The following NVL variants were observed in gnomAD, a reference collection of about 807,000 sequenced individuals.
NVL encodes the protein nuclear VCP like, also known as nuclear valosin-containing protein-like.
Under a neutral mutation model 110.2 loss-of-function variants are expected in NVL, and 84 were observed. The ratio of observed to expected loss-of-function variants is 0.76; its 90% CI spans 0.64 to 0.91. The LOEUF (loss-of-function observed/expected upper bound fraction) is 0.91. Ranked by LOEUF, NVL falls within the 40% of genes least tolerant of loss-of-function variation. The probability of loss-of-function intolerance (pLI) is 0.00; values close to 1 mark genes in which losing one functional copy is unlikely to be tolerated. For synonymous variants in NVL, 354 were observed against 361.1 expected (o/e 0.98, Z 0.22); for missense variants, 882 against 1,035.9 (o/e 0.85, Z 2.04).
intron 16 of NVL, among the ~76,000 whole-genome samples, chr1:224,279,407 C>CTCTCTCTCAAAAAACAAAA (rs1666095963): frequency 6.6e-6 from 1 of 152,054 alleles, no homozygotes. Context: ...ACCTCTACTT[C>CTCTCTCTCAAAAAACAAAA]CAGAGACCCT....
chr1:224,304,924 G>T, intron 7 of NVL, 110 bp downstream of exon 7: 1 of 1,494,904 alleles, frequency 6.7e-7, no homozygotes, highest in Non-Finnish European at 9.2e-7. Flanking sequence ...AATATTTCCT[G>T]GTAAACATTT....
intron 20 of NVL, among the ~76,000 whole-genome samples, chr1:224,235,765 C>T (rs1660394076): frequency 6.6e-6 from 1 of 151,738 alleles, no homozygotes; most frequent in Admixed American, 6.6e-5. Flanking sequence ...CCTAAAACTA[C>T]AAAAATTTTT....
intron 18 of NVL, among the ~76,000 whole-genome samples, chr1:224,251,126 T>C (rs1212522905): frequency 6.6e-6 from 1 of 150,518 alleles, no homozygotes. Context: ...ATACAAAAAT[T>C]AGCCAGGTGT....
rs555541762 is a variant in NVL at position 224,259,800 on chromosome 1, G to A, written c.2182+8234C>T. The stretch of plus-strand genomic sequence containing the variant: ...CTCCCAAGTAGCTGGGATTACAGGT[G>A]TGTGCCACCATACCCAGCTAACTTT... On this transcript the variant is annotated intron_variant, in intron 18 of 22. Transcript: ENST00000281701. Among the ~76,000 whole-genome samples, 11 of 151,188 alleles carry A rather than the reference G, an allele frequency of 7.3e-5. No homozygotes were observed. The East Asian group carries it at 1.6e-3, about 21-fold the overall frequency.
Position 224,303,707 on chromosome 1 carries a change from T to G in NVL, c.960+16A>C. 2.5e-6 allele frequency: 4 copies of G among 1,593,682 alleles called. No individual in the cohort carries two copies. The highest frequency in any genetic ancestry group is 3.4e-6 in the Non-Finnish European group (4 of 1,170,668). On this transcript the variant is annotated intron_variant, in intron 9 of 22. Transcript: ENST00000281701. Reference sequence around the variant, plus strand: ...AACAAAAACAGCAAAAGCAAACAAATGTCAGCAAGCCTCACCCCAGCAATT... The same window carrying G: ...AACAAAAACAGCAAAAGCAAACAAAGGTCAGCAAGCCTCACCCCAGCAATT...
intron 22 of NVL, among the ~76,000 whole-genome samples, chr1:224,228,621 T>G (rs532624654): frequency 2.0e-4 from 29 of 148,582 alleles, no homozygotes; most frequent in Middle Eastern, 3.4e-3. Flanking sequence ...AGAAGCTTCT[T>G]ACACTACATT....
chr1:224,292,582 TACTC>T (rs901675973), intron 12 of NVL, among the ~76,000 whole-genome samples: 2 of 152,082 alleles, frequency 1.3e-5, no homozygotes, highest in African/African-American at 4.8e-5. Context: ...TACTTACACT[TACTC>T]ATACCCTGGA....
chr1:224,261,846 A>G (rs112362464), intron 18 of NVL, among the ~76,000 whole-genome samples: 1,587 of 151,854 alleles, frequency 0.01, 23 homozygotes, highest in African/African-American at 0.036. Flanking sequence ...CTGTAGTCCC[A>G]GCTACGTGAG....
At chr1:224,316,024 A>G (rs1670025160) in intron 4 of NVL, among the ~76,000 whole-genome samples, 1 of 151,966 alleles carries the variant, frequency 6.6e-6, no homozygotes, top group Non-Finnish European at 1.5e-5. Context: ...TGAGACCCCC[A>G]TTTCTACAAA....
At chr1:224,327,605 T>C (rs893879315) in intron 1 of NVL, among the ~76,000 whole-genome samples, 1 of 152,048 alleles carries the variant, frequency 6.6e-6, no homozygotes, top group South Asian at 2.1e-4. Flanking sequence ...ATTATGTATA[T>C]GCAAACATTC....
intron 4 of NVL, among the ~76,000 whole-genome samples, chr1:224,314,942 C>T (rs1194547165): frequency 2.6e-5 from 4 of 151,880 alleles, no homozygotes; most frequent in African/African-American, 9.7e-5. Context: ...ACCCGGGAGG[C>T]GGTGGTTGCA....
At chr1:224,308,362 T>C in intron 5 of NVL, 99 bp from the exon 6 acceptor site, 2 of 1,069,034 alleles carry the variant, frequency 1.9e-6, no homozygotes, top group Non-Finnish European at 2.7e-6. Flanking sequence ...ATTTTGTTTT[T>C]TAACAACTTC....
intron 10 of NVL, 72 bp downstream of exon 10, chr1:224,300,490 T>C: frequency 9.3e-7 from 1 of 1,070,116 alleles, no homozygotes; most frequent in Non-Finnish European, 1.4e-6. Context: ...AATACTAGCA[T>C]CAGAAAAAGC....
At chr1:224,314,627 G>A (rs1021119577) in intron 4 of NVL, among the ~76,000 whole-genome samples, 5 of 152,234 alleles carry the variant, frequency 3.3e-5, no homozygotes, top group Non-Finnish European at 7.4e-5. Flanking sequence ...AAAAACTGTG[G>A]TCGAACACTA....
intron 10 of NVL, chr1:224,297,693 T>C (rs1363353575): frequency 5.6e-6 from 1 of 179,252 alleles, no homozygotes; most frequent in Admixed American, 4.9e-5. Flanking sequence ...AGATGTTCTC[T>C]AGGCCGTTCA....
intron 17 of NVL, 137 bp from the exon 18 acceptor site, chr1:224,268,270 A>T: frequency 1.6e-6 from 1 of 628,706 alleles, no homozygotes; most frequent in Non-Finnish European, 2.8e-6. Context: ...CTATATGCAG[A>T]CACTGTGCAA....
chr1:224,303,823 G>T lies in NVL; in HGVS notation c.860C>A (p.Pro287Gln). ...VCKMLIHMRH[P>Q]EVYHHLGVVP... ...GACGCCCAGGTGGTGGTACACCTCC[G>T]GGTGACGCATGTGTATGAGCATCTT... Residue 287 changes from proline (P) to glutamine (Q), a missense_variant, in exon 9 of 23, where the codon CCG (proline) becomes CAG (glutamine). Physicochemically the swap from Pro to Gln is moderately conservative, Grantham distance 76 (BLOSUM62 -1). This residue lies in a region of NVL where 416 missense variants were observed against 499.3 expected (regional missense o/e 0.83). Transcript: ENST00000281701. 6.2e-7 allele frequency: 1 copy of T among 1,613,788 alleles called. No individual in the cohort carries two copies. The highest frequency in any genetic ancestry group is 8.5e-7 in the Non-Finnish European group (1 of 1,179,832).
chr1:224,302,349 C>T (rs1232521070), intron 9 of NVL, among the ~76,000 whole-genome samples: 3 of 152,044 alleles, frequency 2.0e-5, no homozygotes, highest in Non-Finnish European at 2.9e-5. Context: ...TGCAGGCATG[C>T]GCCACCACAC....
At chr1:224,303,303 C>T (rs1311051984) in intron 9 of NVL, among the ~76,000 whole-genome samples, 1 of 151,716 alleles carries the variant, frequency 6.6e-6, no homozygotes, top group African/African-American at 2.4e-5. Flanking sequence ...GGCGTGGTGG[C>T]GTATGCCTGT....
Sources: gnomAD v4.1 joint callset for allele counts (sites outside exome capture counted in the v4.1 genomes callset) on GRCh38, gnomAD v4.1.1 for gene constraint, gnomAD v4.1.1 regional missense constraint, MANE v1.5 for transcripts, NCBI Gene and HGNC (gene_info 2026-07-23, HGNC 2026-07-21) for gene names.